The following ZNF808 variants were observed in gnomAD, a reference collection of about 807,000 sequenced individuals.
ZNF808 encodes zinc finger protein 808.
ZNF808 carries 5 observed loss-of-function variants against 8.7 expected under a neutral mutation model. The ratio of observed to expected loss-of-function variants is 0.58; its 90% CI spans 0.30 to 1.21. The LOEUF (loss-of-function observed/expected upper bound fraction) is 1.21, where lower values mean the gene tolerates loss of function less well. Ranked by LOEUF, ZNF808 falls within the 50% of genes most tolerant of loss-of-function variation. ZNF808 has a pLI of 0.07. For synonymous variants in ZNF808, 380 were observed against 366.0 expected (o/e 1.04, Z -0.44); for missense variants, 1,103 against 1,098.4 (o/e 1.00, Z -0.06).
chr19:52,546,943 CTTTTTTTTTTTTT>C (rs1172936091), intron 3 of ZNF808, among the ~76,000 whole-genome samples: 1 of 78,474 alleles, frequency 1.3e-5, no homozygotes, highest in Non-Finnish European at 2.5e-5. Flanking sequence ...CCTGGAATTG[CTTTTTTTTTTTTT>C]TTTTTTTTTT....
In ZNF808 at chr19:52,555,448, G is replaced by A; in HGVS notation, c.2532G>A (p.Glu844=). 2 of 1,614,050 alleles carry A rather than the reference G, an allele frequency of 1.2e-6. No individual in the cohort carries two copies. Among genetic ancestry groups the A allele is most frequent in the Non-Finnish European group, 1.7e-6 (2 of 1,179,970 alleles). The part of the protein sequence containing the change: ...LSRHHRIHTG[E]KPYKCEACDK... ...GTCATCATAGAATTCATACTGGAGA[G>A]AAACCTTACAAATGTGAAGCATGTG... Residue 844 remains glutamate (E), a synonymous_variant, in exon 5 of 5, where the codon GAG becomes GAA. Coordinates refer to ENST00000359798, the MANE Select transcript of ZNF808 (RefSeq NM_001039886.4).
chr19:52,529,552 T>C lies in ZNF808; in HGVS notation c.-122+1841T>C, dbSNP rs144386927. 4.7e-3 allele frequency among the ~76,000 whole-genome samples: 720 copies of C among 152,284 alleles called. 5 individuals carry two copies. Among genetic ancestry groups the C allele is most frequent in the African/African-American group, 0.016 (685 of 41,570 alleles). ...GTGTCTATAAAACATGTACATTCTA[T>C]AAATCTTGGCATCAGAGGTTATGTT... On this transcript the variant is annotated intron_variant, in intron 1 of 4. Coordinates refer to ENST00000359798, the MANE Select transcript of ZNF808 (RefSeq NM_001039886.4).
chr19:52,553,030 T>C, intron 4 of ZNF808, 77 bp from the exon 5 acceptor site: 1 of 1,425,198 alleles, frequency 7.0e-7, no homozygotes, highest in African/African-American at 1.4e-5. Flanking sequence ...TATTGTTTTT[T>C]GTGTCATATT....
At chr19:52,551,441 ATGT>A (rs1262736697) in intron 4 of ZNF808, among the ~76,000 whole-genome samples, 1 of 151,822 alleles carries the variant, frequency 6.6e-6, no homozygotes, top group African/African-American at 2.4e-5. Context: ...AGTTCTTAAA[ATGT>A]TGTATATTTT....
chr19:52,538,151 G>T (rs895363836), intron 2 of ZNF808, among the ~76,000 whole-genome samples: 8 of 151,694 alleles, frequency 5.3e-5, no homozygotes, highest in East Asian at 1.9e-4. Context: ...GAGACCACTG[G>T]TGTGAGACAC....
At chr19:52,567,229 G>A (rs1043792417), downstream of ZNF808, among the ~76,000 whole-genome samples, 3 of 152,056 alleles carry the variant, frequency 2.0e-5, no homozygotes, top group Non-Finnish European at 4.4e-5. Flanking sequence ...CAGAATTACA[G>A]GCGGGAGCCA....
downstream of ZNF808, among the ~76,000 whole-genome samples, chr19:52,558,155 G>A (rs1230167178): frequency 2.7e-5 from 4 of 145,898 alleles, no homozygotes; most frequent in East Asian, 8.0e-4. Context: ...GCGCAATCTC[G>A]GCTCACTGCA....
downstream of ZNF808, among the ~76,000 whole-genome samples, chr19:52,565,265 C>G (rs1409431285): frequency 6.6e-6 from 1 of 151,904 alleles, no homozygotes; most frequent in African/African-American, 2.4e-5. Context: ...GCAACAAGAG[C>G]AAAACTCCAT....
In ZNF808 at chr19:52,554,059, G is replaced by A. The variant is rs747195586; in HGVS notation, c.1143G>A (p.Ala381=). ...GTAAGATTTGTGAGAAGGCTTTTGC[G>A]TGTCATTCCTATCTGGCAAACCATA... is the stretch of plus-strand genomic sequence containing the variant. ...YKCKICEKAF[A]CHSYLANHTR... is the part of the protein sequence containing the mutation. The change falls in exon 5 of 5, where the codon GCG becomes GCA. Residue 381 remains alanine, a synonymous_variant. Transcript: ENST00000359798. 38 of 1,613,880 alleles carry A rather than the reference G, an allele frequency of 2.4e-5. No individual in the cohort carries two copies. Among genetic ancestry groups the A allele is most frequent in the African/African-American group, 6.7e-5 (5 of 74,864 alleles).
rs557671235 is a variant in ZNF808 at position 52,561,651 on chromosome 19, G to T, written c.*423-1667G>T. On this transcript the variant is annotated intron_variant and NMD_transcript_variant, in intron 3 of 3. Transcript: ENST00000487863. ...CAACCTCTGCCTCCCAGGTTCAAGCGATTCTCCTGCCTGAGGCTCCCAAGT... is the reference window on the plus strand; with the variant it reads ...CAACCTCTGCCTCCCAGGTTCAAGCTATTCTCCTGCCTGAGGCTCCCAAGT... Among the ~76,000 whole-genome samples the T allele has an allele frequency of 3.3e-5, 5 of 151,790 alleles. No homozygotes were observed. The South Asian group carries it at 8.3e-4, about 25-fold the overall frequency.
At position 52,553,906 on chromosome 19, in the gene ZNF808, T is replaced by A; in HGVS notation, c.990T>A (p.Leu330=). ...CGKVFRQNSA[L]VIHKAIHTGE... Reference sequence around the variant, plus strand: ...AGGTCTTTCGTCAAAATTCAGCCCTTGTAATTCATAAGGCAATTCATACTG... The same window carrying A: ...AGGTCTTTCGTCAAAATTCAGCCCTAGTAATTCATAAGGCAATTCATACTG... Residue 330 remains leucine (L), a synonymous_variant, in exon 5 of 5, where the codon CTT becomes CTA. Coordinates refer to ENST00000359798, the MANE Select transcript of ZNF808 (RefSeq NM_001039886.4). 3 of 1,614,138 alleles carry A rather than the reference T, an allele frequency of 1.9e-6. No individual in the cohort carries two copies. Among genetic ancestry groups the A allele is most frequent in the Non-Finnish European group, 2.5e-6 (3 of 1,180,024 alleles).
At chr19:52,542,388 C>T (rs2059679674) in intron 2 of ZNF808, among the ~76,000 whole-genome samples, 1 of 152,176 alleles carries the variant, frequency 6.6e-6, no homozygotes, top group Non-Finnish European at 1.5e-5. Context: ...TTTCCTTTTC[C>T]TGGGGCTGAG....
chr19:52,536,009 G>C (rs577747016), intron 2 of ZNF808: 1 of 163,254 alleles, frequency 6.1e-6, no homozygotes, highest in Non-Finnish European at 1.3e-5. Context: ...CGCAAACCCC[G>C]AGGCGGATCG....
chr19:52,562,474 C>T (rs951756891), intron 3 of ZNF808, among the ~76,000 whole-genome samples: 1 of 152,192 alleles, frequency 6.6e-6, no homozygotes, highest in African/African-American at 2.4e-5. Flanking sequence ...TCAAAGGCCC[C>T]ATCTGCAGGA....
chr19:52,537,031 A>G (rs1195979433), intron 2 of ZNF808, among the ~76,000 whole-genome samples: 1 of 152,122 alleles, frequency 6.6e-6, no homozygotes, highest in Non-Finnish European at 1.5e-5. Context: ...TGCTAAAAAT[A>G]CAAAACTAGC....
At chr19:52,535,604 G>C (rs1197970701) in intron 2 of ZNF808, among the ~76,000 whole-genome samples, 4 of 152,184 alleles carry the variant, frequency 2.6e-5, no homozygotes, top group African/African-American at 4.8e-5. Flanking sequence ...CCCTAGGGAA[G>C]TCTCTGAAGC....
In ZNF808 at chr19:52,553,843, T is replaced by C; in HGVS notation, c.927T>C (p.His309=). ...KSSLTCHHRL[H]TGVKPYKCNE... is the part of the protein sequence containing the mutation. ...CCCTTACATGCCATCATAGACTTCA[T>C]ACTGGAGTAAAACCTTACAAGTGTA... Residue 309 remains histidine (H), a synonymous_variant, in exon 5 of 5, where the codon CAT becomes CAC. Transcript: ENST00000359798. 1 of 1,614,174 alleles carries C rather than the reference T, an allele frequency of 6.2e-7. No individual in the cohort carries two copies. The highest frequency in any genetic ancestry group is 8.5e-7 in the Non-Finnish European group (1 of 1,180,036).
At chr19:52,551,778 GGATTACTTAAGGTCAGGAGTTT>G (rs368536007) in intron 4 of ZNF808, among the ~76,000 whole-genome samples, 8,965 of 151,996 alleles carry the variant, frequency 0.059, 285 homozygotes, top group Middle Eastern at 0.14. Context: ...CAAGGGGGGT[GGATTACTTAAGGTCAGGAGTTT>G]GAGACCAGCC....
chr19:52,540,805 A>C (rs765385236), intron 2 of ZNF808, among the ~76,000 whole-genome samples: 2 of 152,236 alleles, frequency 1.3e-5, no homozygotes, highest in Admixed American at 1.3e-4. Flanking sequence ...TTAAACATCT[A>C]TTGCTATGTG....
Sources: allele counts gnomAD v4.1 joint callset (sites outside exome capture counted in the v4.1 genomes callset), GRCh38; gene constraint gnomAD v4.1.1; transcripts MANE v1.5; gene names NCBI Gene and HGNC (gene_info 2026-07-23, HGNC 2026-07-21).